PTPRT: variants seen among roughly 807,000 people sequenced by gnomAD.
PTPRT encodes the protein receptor-type tyrosine-protein phosphatase T.
A neutral mutation model predicts 176.8 loss-of-function variants in PTPRT; 56 were observed. That is an observed-to-expected ratio of 0.32 (90% CI 0.26 to 0.40). The LOEUF (loss-of-function observed/expected upper bound fraction) is 0.40. PTPRT is among the 10% of genes least tolerant of loss of function. PTPRT has a pLI of 1.00. For synonymous variants in PTPRT, 783 were observed against 739.0 expected, an observed-to-expected ratio of 1.06 and a Z score of -0.96; for missense variants, 1,540 against 1,908.2, an observed-to-expected ratio of 0.81 and a Z score of 3.60.
At chr20:42,689,448 G>A (rs773052613) in intron 6 of PTPRT, among the ~76,000 whole-genome samples, 13 of 152,134 alleles carry the variant, frequency 8.5e-5, no homozygotes, top group Non-Finnish European at 1.3e-4. Context: ...ATAAAACCTC[G>A]CACTCATCCT....
intron 1 of PTPRT, among the ~76,000 whole-genome samples, chr20:42,982,564 T>C (rs1983341068): frequency 6.6e-6 from 1 of 152,088 alleles, no homozygotes; most frequent in Non-Finnish European, 1.5e-5. Flanking sequence ...AAGAGAACTA[T>C]GTGAAGGCCC....
chr20:42,716,749 T>C (rs1203334334), intron 6 of PTPRT, among the ~76,000 whole-genome samples: 1 of 152,154 alleles, frequency 6.6e-6, no homozygotes, highest in Admixed American at 6.5e-5. Context: ...ATGTTTATTG[T>C]GGCACTACTC....
At chr20:42,678,935 G>A (rs2146073227) in intron 6 of PTPRT, among the ~76,000 whole-genome samples, 1 of 152,358 alleles carries the variant, frequency 6.6e-6, no homozygotes, top group African/African-American at 2.4e-5. Flanking sequence ...ATGAGCCTAA[G>A]TAGAAAAAGA....
At position 42,523,665 on chromosome 20, in the gene PTPRT, G is replaced by A. The variant is rs139564459; in HGVS notation, c.1154-51103C>T. ...TGATTGGTAAGTTTAGTACAATGAC[G>A]TAGACATATATTGTAGTTATTGATA... On this transcript the variant is annotated intron_variant, in intron 7 of 30. Coordinates refer to ENST00000373187, the MANE Select transcript of PTPRT (RefSeq NM_007050.6). Among the ~76,000 whole-genome samples, 9 of 152,202 alleles carry A rather than the reference G, an allele frequency of 5.9e-5. No homozygotes were observed. The East Asian group carries it at 7.7e-4, about 13-fold the overall frequency.
chr20:42,355,472 C>T (rs150891495), intron 9 of PTPRT, among the ~76,000 whole-genome samples: 133 of 152,284 alleles, frequency 8.7e-4, no homozygotes, highest in African/African-American at 3.0e-3. Flanking sequence ...AACTGACATC[C>T]GAAGGACAAT....
chr20:42,272,512 T>C (rs1342139994), intron 13 of PTPRT, among the ~76,000 whole-genome samples: 11 of 152,144 alleles, frequency 7.2e-5, no homozygotes, highest in Non-Finnish European at 8.8e-5. Context: ...ACTTACATGT[T>C]CCCACTTGGC....
At chr20:42,034,709 G>A in the PTPRT span, among the ~76,000 whole-genome samples, 4 of 152,116 alleles carry the variant, frequency 2.6e-5, no homozygotes, top group Non-Finnish European at 4.4e-5. Context: ...TTAACAGAAA[G>A]GATTAACTTA....
chr20:42,513,498 C>T (rs1029035905), intron 7 of PTPRT, among the ~76,000 whole-genome samples: 8 of 151,834 alleles, frequency 5.3e-5, no homozygotes, highest in African/African-American at 1.9e-4. Flanking sequence ...TTATTTTATA[C>T]CTATTTGTAT....
rs529416088 is a variant in PTPRT, at chr20:42,520,502, T to A, written c.1154-47940A>T. 1.6e-4 allele frequency among the ~76,000 whole-genome samples: 25 copies of A among 152,234 alleles called. 1 individual carries two copies. The highest frequency in any genetic ancestry group is 1.6e-3 in the Admixed American group (25 of 15,272). On this transcript the variant is annotated intron_variant, in intron 7 of 30. Coordinates refer to ENST00000373187, the MANE Select transcript of PTPRT (RefSeq NM_007050.6). ...AGATTTTTCTGTTTTGGTTGTATAT[T>A]TTTAAAGACAATGCCTTCAGTCTCT...
At chr20:42,922,011 C>A (rs756640307) in intron 1 of PTPRT, among the ~76,000 whole-genome samples, 112 of 152,202 alleles carry the variant, frequency 7.4e-4, no homozygotes, top group Non-Finnish European at 1.0e-3. Flanking sequence ...TCTCAGCTCA[C>A]TGCAACCTCT....
intron 1 of PTPRT, among the ~76,000 whole-genome samples, chr20:43,079,749 G>T (rs2011387706): frequency 6.6e-6 from 1 of 152,096 alleles, no homozygotes. Context: ...ACCCTCTACT[G>T]CTAAGGGTTG....
chr20:42,865,613 C>T (rs2078732986), intron 2 of PTPRT, among the ~76,000 whole-genome samples: 1 of 152,140 alleles, frequency 6.6e-6, no homozygotes, highest in African/African-American at 2.4e-5. Flanking sequence ...ACTGCCTGAC[C>T]TGGGACAGGG....
chr20:42,546,270 G>C (rs1290122373), intron 7 of PTPRT, among the ~76,000 whole-genome samples: 2 of 152,126 alleles, frequency 1.3e-5, no homozygotes, highest in Admixed American at 1.3e-4. Context: ...ACAAAAAAGG[G>C]GGGAAATAAT....
intron 9 of PTPRT, among the ~76,000 whole-genome samples, chr20:42,438,310 A>C (rs2075035949): frequency 6.6e-6 from 1 of 151,892 alleles, no homozygotes; most frequent in African/African-American, 2.4e-5. Flanking sequence ...CTTTAGCAAA[A>C]CTCTGGAGAC....
intron 9 of PTPRT, among the ~76,000 whole-genome samples, chr20:42,380,193 C>A (rs2058686091): frequency 6.6e-6 from 1 of 152,206 alleles, no homozygotes; most frequent in African/African-American, 2.4e-5. Flanking sequence ...TCTGCTGCAT[C>A]CTGCCTCAGT....
At chr20:42,375,271 GTC>G (rs1476108165) in intron 9 of PTPRT, among the ~76,000 whole-genome samples, 1 of 152,214 alleles carries the variant, frequency 6.6e-6, no homozygotes, top group Admixed American at 6.5e-5. Flanking sequence ...GTGAGACACA[GTC>G]TCTGCCCTCA....
rs527580668 is a variant in PTPRT at position 43,068,245 on chromosome 20, C to T, written c.88+121401G>A. Among the ~76,000 whole-genome samples the T allele has an allele frequency of 1.5e-3, 217 of 149,478 alleles. 1 individual carries two copies. Among genetic ancestry groups the T allele is most frequent in the Non-Finnish European group, 2.6e-3 (177 of 67,448 alleles). On this transcript the variant is annotated intron_variant, in intron 1 of 30. Transcript: ENST00000373187. ...AGGGGCCAGGCGCAGTGGCTCATGCCTGTAATCCCAGCACTTTGGGAGGCC... is the reference window on the plus strand; with the variant it reads ...AGGGGCCAGGCGCAGTGGCTCATGCTTGTAATCCCAGCACTTTGGGAGGCC...
At chr20:42,368,630 T>C (rs1600903928) in intron 9 of PTPRT, among the ~76,000 whole-genome samples, 1 of 152,202 alleles carries the variant, frequency 6.6e-6, no homozygotes, top group East Asian at 1.9e-4. Flanking sequence ...GACTCTCTCC[T>C]TGGCATGTTG....
chr20:42,366,552 G>T (rs559514609), intron 9 of PTPRT, among the ~76,000 whole-genome samples: 2 of 152,172 alleles, frequency 1.3e-5, no homozygotes, highest in African/African-American at 4.8e-5. Context: ...CTTCTGTCCC[G>T]TTCTTCTTCT....
Sources: gnomAD v4.1 joint callset for allele counts (sites outside exome capture counted in the v4.1 genomes callset) on GRCh38, gnomAD v4.1.1 for gene constraint, MANE v1.5 for transcripts, NCBI Gene and HGNC (gene_info 2026-07-23, HGNC 2026-07-21) for gene names.